The following TMEM67 variants were observed in gnomAD, a reference collection of about 807,000 sequenced individuals.
TMEM67 encodes the protein transmembrane protein 67.
TMEM67 carries 124 observed loss-of-function variants against 136.6 expected under a neutral mutation model. The observed-to-expected ratio is 0.91, with a 90% CI of 0.78 to 1.05. TMEM67 has a LOEUF of 1.05. Ranked by LOEUF, TMEM67 falls within the 50% of genes least tolerant of loss-of-function variation. The pLI is 0.00. For missense variants in TMEM67, 1,107 were observed against 1,178.4 expected, an observed-to-expected ratio of 0.94 and a Z score of 0.89; for synonymous variants, 364 against 390.5, an observed-to-expected ratio of 0.93 and a Z score of 0.80.
chr8:93,812,417 G>T (rs1367875825), intron 26 of TMEM67, among the ~76,000 whole-genome samples: 1 of 152,166 alleles, frequency 6.6e-6, no homozygotes, highest in Non-Finnish European at 1.5e-5. Flanking sequence ...AGCAGTTCGA[G>T]GCTGCAGTGA....
chr8:93,812,868 TG>T (rs1461109217), intron 26 of TMEM67, among the ~76,000 whole-genome samples: 1 of 151,882 alleles, frequency 6.6e-6, no homozygotes, highest in Non-Finnish European at 1.5e-5. Flanking sequence ...TCCCAGGTGC[TG>T]GGATTACAGG....
downstream of TMEM67, among the ~76,000 whole-genome samples, chr8:93,820,952 AATT>A (rs1809032657): frequency 6.6e-6 from 1 of 152,214 alleles, no homozygotes; most frequent in Non-Finnish European, 1.5e-5. Context: ...CTTCCATTGT[AATT>A]ATTATTGTTA....
At chr8:93,831,886 C>G in the TMEM67 span, among the ~76,000 whole-genome samples, 1 of 152,144 alleles carries the variant, frequency 6.6e-6, no homozygotes, top group Admixed American at 6.6e-5. Flanking sequence ...TCCAAAGCAC[C>G]ATTAACATTA....
intron 10 of TMEM67, among the ~76,000 whole-genome samples, chr8:93,782,091 CT>C (rs1813862304): frequency 6.6e-6 from 1 of 151,980 alleles, no homozygotes; most frequent in African/African-American, 2.4e-5. Flanking sequence ...TTTTTATGTA[CT>C]TTTAGTAGAG....
At chr8:93,820,159 G>C (rs1809020615), downstream of TMEM67, among the ~76,000 whole-genome samples, 1 of 152,172 alleles carries the variant, frequency 6.6e-6, no homozygotes. Context: ...GGCTCCTGGT[G>C]CTCCTGCCTC....
chr8:93,766,639 T>C (rs1256201194), intron 6 of TMEM67, among the ~76,000 whole-genome samples: 1 of 152,068 alleles, frequency 6.6e-6, no homozygotes, highest in Non-Finnish European at 1.5e-5. Context: ...GAGTTTGGGG[T>C]GGACAGGGTG....
At position 93,755,152 on chromosome 8, in the gene TMEM67, G is replaced by A. The variant is rs369696315; in HGVS notation, c.223+15G>A. On this transcript the variant is annotated intron_variant, in intron 1 of 27. Coordinates refer to ENST00000453321, the MANE Select transcript of TMEM67 (RefSeq NM_153704.6). The stretch of plus-strand genomic sequence containing the variant: ...AGATGCCCGAGGTAAGACGGTTTGC[G>A]GTGGGCCCTGGCAAAAGTAACACTC... 15 of 1,611,684 alleles carry A rather than the reference G, an allele frequency of 9.3e-6. No homozygotes were observed. The highest frequency in any genetic ancestry group is 1.7e-4 in the Middle Eastern group (1 of 6,058).
intron 23 of TMEM67, among the ~76,000 whole-genome samples, chr8:93,808,366 TTATC>T (rs1347956751): frequency 4.2e-5 from 4 of 95,838 alleles, no homozygotes; most frequent in Non-Finnish European, 9.4e-5. Flanking sequence ...AGATATATAT[TTATC>T]TACTATAAAT....
At chr8:93,823,888 C>G (rs188236153), downstream of TMEM67, among the ~76,000 whole-genome samples, 3 of 145,870 alleles carry the variant, frequency 2.1e-5, no homozygotes, top group Non-Finnish European at 3.0e-5. Context: ...CTGAACAGTT[C>G]TCATTTTTTA....
intron 6 of TMEM67, among the ~76,000 whole-genome samples, chr8:93,766,259 C>T (rs974748108): frequency 6.6e-6 from 1 of 152,210 alleles, no homozygotes; most frequent in South Asian, 2.1e-4. Flanking sequence ...GCTGGGATTA[C>T]AGGCACCTGC....
At chr8:93,798,672 T>A (rs1814729609) in intron 20 of TMEM67, among the ~76,000 whole-genome samples, 1 of 152,186 alleles carries the variant, frequency 6.6e-6, no homozygotes, top group Non-Finnish European at 1.5e-5. Context: ...CTCTTTTTTC[T>A]TCTTTCTTTC....
intron 11 of TMEM67, among the ~76,000 whole-genome samples, chr8:93,782,730 C>G (rs550368154): frequency 2.1e-3 from 313 of 151,654 alleles, no homozygotes; most frequent in African/African-American, 7.3e-3. Flanking sequence ...TGTGCCACCA[C>G]GCCCAGCTAA....
At chr8:93,767,050 T>G (rs1406432039) in intron 6 of TMEM67, among the ~76,000 whole-genome samples, 1 of 152,212 alleles carries the variant, frequency 6.6e-6, no homozygotes, top group African/African-American at 2.4e-5. Context: ...TCTTTGTTCT[T>G]TCTGGTCTGA....
chr8:93,755,474 G>A (rs111700152), intron 1 of TMEM67, among the ~76,000 whole-genome samples: 11 of 152,214 alleles, frequency 7.2e-5, no homozygotes, highest in Middle Eastern at 3.4e-3. Context: ...AACTAATTTT[G>A]TACTCATACT....
intron 23 of TMEM67, among the ~76,000 whole-genome samples, chr8:93,805,580 CAAAAAAAAAAA>C (rs370408912): frequency 3.4e-5 from 2 of 58,792 alleles, no homozygotes; most frequent in Non-Finnish European, 7.8e-5. Context: ...GACTCCGTCT[CAAAAAAAAAAA>C]AAAAAAAGAA....
intron 15 of TMEM67, among the ~76,000 whole-genome samples, chr8:93,792,868 G>T (rs1050620857): frequency 1.3e-5 from 2 of 150,908 alleles, no homozygotes; most frequent in Non-Finnish European, 2.9e-5. Flanking sequence ...CCGCTCCCAG[G>T]TTCATGCCAT....
At chr8:93,795,880 A>C (rs1335909670) in intron 17 of TMEM67, 21 bp from the exon 18 acceptor site, 1 of 1,501,390 alleles carries the variant, frequency 6.7e-7, no homozygotes, top group African/African-American at 1.4e-5. Context: ...ATAATATTTA[A>C]TCAAGTAATT....
intron 3 of TMEM67, among the ~76,000 whole-genome samples, chr8:93,761,468 T>G (rs1187763165): frequency 6.6e-6 from 1 of 152,222 alleles, no homozygotes; most frequent in African/African-American, 2.4e-5. Context: ...CCTGGAAAGC[T>G]CTCATCTAGA....
At chr8:93,784,762 G>A (rs1388474196) in intron 11 of TMEM67, among the ~76,000 whole-genome samples, 1 of 152,174 alleles carries the variant, frequency 6.6e-6, no homozygotes, top group African/African-American at 2.4e-5. Flanking sequence ...TAGTATGAAT[G>A]GACCACCATA....
Sources: allele counts gnomAD v4.1 joint callset (sites outside exome capture counted in the v4.1 genomes callset), GRCh38; gene constraint gnomAD v4.1.1; transcripts MANE v1.5; gene names NCBI Gene and HGNC (gene_info 2026-07-23, HGNC 2026-07-21).